Variants in VEGFB observed in about 807,000 individuals in gnomAD.
VEGFB encodes vascular endothelial growth factor B.
Under a neutral mutation model 22.5 loss-of-function variants are expected in VEGFB, and 24 were observed. That is an observed-to-expected ratio of 1.07 (90% CI 0.77 to 1.50). VEGFB has a LOEUF of 1.50. Ranked by LOEUF, VEGFB falls within the 40% of genes most tolerant of loss-of-function variation. VEGFB has a pLI of 0.00. For synonymous variants in VEGFB, 141 were observed against 117.4 expected, an observed-to-expected ratio of 1.20 and a Z score of -1.30; for missense variants, 327 against 287.8, an observed-to-expected ratio of 1.14 and a Z score of -0.99.
In VEGFB at chr11:64,237,189, C is replaced by T. The variant is rs145316240; in HGVS notation, c.377C>T (p.Pro126Leu). 836 of 1,603,002 alleles carry T rather than the reference C, an allele frequency of 5.2e-4. 10 individuals carry two copies. In the South Asian group the frequency reaches 8.8e-3, roughly 17 times the overall value. ...TGTCTGTCTATCTTACTTTTCAGAC[C>T]TAAAAAAAAGGACAGTGCTGTGAAG... is the stretch of plus-strand genomic sequence containing the variant. ...LEEHSQCECR[P>L]KKKDSAVKPD... The change falls in exon 5 of 7, where the codon CCT (proline) becomes CTT (leucine). Residue 126 changes from proline (P) to leucine (L), a missense_variant and splice_region_variant. Coordinates refer to ENST00000309422, the MANE Select transcript of VEGFB (RefSeq NM_003377.5).
chr11:64,236,545 C>T (rs542599507), intron 4 of VEGFB, among the ~76,000 whole-genome samples: 1 of 151,296 alleles, frequency 6.6e-6, no homozygotes, highest in Non-Finnish European at 1.5e-5. Flanking sequence ...AAAAACCTGT[C>T]TCTACTAAAA....
intron 4 of VEGFB, among the ~76,000 whole-genome samples, 189 bp downstream of exon 4, chr11:64,236,516 C>T (rs1343362078): frequency 6.9e-6 from 1 of 144,370 alleles, no homozygotes; most frequent in Admixed American, 7.3e-5. Flanking sequence ...GAGATCGAGA[C>T]CATCCTGGCT....
In VEGFB at chr11:64,236,716, CAAAAAAAAAAAA is replaced by C. The variant is rs773789771; in HGVS notation, c.374+406_374+417del. ...TGGGCGACAGAGCAAGACTCTGCCACAAAAAAAAAAAAAAAAAAAAAAAAAAAAGAGTAGAGC... is the reference window on the plus strand; with the variant it reads ...TGGGCGACAGAGCAAGACTCTGCCACAAAAAAAAAAAAAAAAGAGTAGAGC... On this transcript the variant is annotated intron_variant, in intron 4 of 6. Transcript: ENST00000309422. Among the ~76,000 whole-genome samples the C allele has an allele frequency of 7.0e-3, 523 of 74,472 alleles. 8 individuals are homozygous for C. The highest frequency in any genetic ancestry group is 0.021 in the African/African-American group (408 of 19,306). 48.9% of individuals were successfully genotyped at this position (74,472 alleles called of 152,430 possible). A position where few individuals can be genotyped will look rare whatever the true frequency, so the allele number is the denominator to read the frequency against.
At chr11:64,237,717 T>TCCAGGGTGAGCCTGC (rs2030214952) in intron 6 of VEGFB, 62 bp downstream of exon 6, 2 of 1,418,662 alleles carry the variant, frequency 1.4e-6, no homozygotes, top group African/African-American at 2.9e-5. Flanking sequence ...CTGGAGCAGG[T>TCCAGGGTGAGCCTGC]CCAGGGTGAG....
At position 64,234,870 on chromosome 11, in the gene VEGFB, C is replaced by G; in HGVS notation, c.37C>G (p.Leu13Val). The G allele has an allele frequency of 7.7e-7, 1 of 1,303,254 alleles. No individual in the cohort carries two copies. The highest frequency in any genetic ancestry group is 9.8e-7 in the Non-Finnish European group (1 of 1,022,624). 80.7% of individuals were successfully genotyped at this position (1,303,254 alleles called of 1,614,324 possible). A position where few individuals can be genotyped will look rare whatever the true frequency, so the allele number is the denominator to read the frequency against. The change falls in exon 1 of 7, where the codon CTC (leucine) becomes GTC (valine). Residue 13 changes from leucine to valine, a missense_variant. Physicochemically the swap from Leu to Val is conservative, Grantham distance 32. Coordinates refer to ENST00000309422, the MANE Select transcript of VEGFB (RefSeq NM_003377.5). The surrounding 1 kb of genome is among the most constrained non-coding windows in gnomAD (Gnocchi z 5.3). ...GCTCCGCCGCCTGCTGCTCGCCGCA[C>G]TCCTGCAGCTGGCCCCCGCCCAGGT... The part of the protein sequence containing the change: ...PLLRRLLLAA[L>V]LQLAPAQAPV...
At chr11:64,236,637 A>G (rs2030049288) in intron 4 of VEGFB, among the ~76,000 whole-genome samples, 1 of 149,904 alleles carries the variant, frequency 6.7e-6, no homozygotes, top group Non-Finnish European at 1.5e-5. Flanking sequence ...GAATGGCATG[A>G]ACCTGGGAGG....
At position 64,236,999 on chromosome 11, in the gene VEGFB, C is replaced by G. The variant is rs1206268883; in HGVS notation, c.375-188C>G. 6.8e-6 allele frequency: 3 copies of G among 443,754 alleles called. 1 individual carries two copies. In the East Asian group the frequency reaches 1.4e-4, roughly 21 times the overall value. The allele number at this position is 443,754 out of a possible 1,614,324, so 27.5% of individuals were successfully genotyped here. A position where few individuals can be genotyped will look rare whatever the true frequency, so the allele number is the denominator to read the frequency against. ...TTGGGAGGCTGAGACAAGAGAATAG[C>G]TTGAACCTGGGAGGCGGAGGTTGCA... is the stretch of plus-strand genomic sequence containing the variant. On this transcript the variant is annotated intron_variant, in intron 4 of 6. Transcript: ENST00000309422.
At chr11:64,237,272 GT>G in intron 5 of VEGFB, 50 bp downstream of exon 5, 1 of 1,562,508 alleles carries the variant, frequency 6.4e-7, no homozygotes, top group Non-Finnish European at 8.8e-7. Context: ...GTACAAGTGA[GT>G]CCAGAAGCTG....
chr11:64,236,082 T>A, intron 3 of VEGFB, 73 bp downstream of exon 3: 1 of 1,525,262 alleles, frequency 6.6e-7, no homozygotes, highest in African/African-American at 1.4e-5. Context: ...GGGTGGATGC[T>A]GGCTGGCTCT....
Position 64,237,076 on chromosome 11 carries a change from AC to A in VEGFB, c.375-110del, listed in dbSNP as rs1463824852. On this transcript the variant is annotated intron_variant, in intron 4 of 6. Coordinates refer to ENST00000309422, the MANE Select transcript of VEGFB (RefSeq NM_003377.5). ...CCAGCCTGGGCAAGAAGAGGGAAAC[AC>A]AGTCTCAAAGAGAGAGAGAGAGAGA... is the stretch of plus-strand genomic sequence containing the variant. 4.4e-5 allele frequency: 36 copies of A among 813,690 alleles called. 6 individuals carry two copies. The highest frequency in any genetic ancestry group is 5.0e-5 in the Non-Finnish European group (27 of 538,516). 50.4% of individuals were successfully genotyped at this position (813,690 alleles called of 1,614,324 possible). A position where few individuals can be genotyped will look rare whatever the true frequency, so the allele number is the denominator to read the frequency against.
chr11:64,235,042 C>T (rs1254436308), intron 1 of VEGFB, 149 bp downstream of exon 1: 5 of 612,522 alleles, frequency 8.2e-6, no homozygotes, highest in African/African-American at 1.9e-5. Flanking sequence ...CGCGTGCATC[C>T]CCTGGGAGGT....
intron 1 of VEGFB, 75 bp from the exon 2 acceptor site, chr11:64,235,383 C>A: frequency 7.0e-7 from 1 of 1,436,580 alleles, no homozygotes; most frequent in South Asian, 1.2e-5. Context: ...GATGCAAGGG[C>A]AAAGCCCCAG....
At chr11:64,238,169 C>T (rs930541434) in intron 6 of VEGFB, among the ~76,000 whole-genome samples, 187 bp from the exon 7 acceptor site, 10 of 152,074 alleles carry the variant, frequency 6.6e-5, no homozygotes, top group Admixed American at 4.6e-4. Context: ...TGGGGGCTCC[C>T]GAGGAGTGTC....
intron 4 of VEGFB, among the ~76,000 whole-genome samples, chr11:64,236,784 A>T (rs2030064981): frequency 6.9e-6 from 1 of 145,084 alleles, no homozygotes; most frequent in African/African-American, 2.5e-5. Context: ...GGGGCAACAA[A>T]GTAGGATGCT....
intron 1 of VEGFB, 44 bp from the exon 2 acceptor site, chr11:64,235,414 C>T (rs1180857204): frequency 3.1e-6 from 5 of 1,597,254 alleles, no homozygotes; most frequent in African/African-American, 1.3e-5. Flanking sequence ...AGGGCCACAC[C>T]CTCCTAAAGT....
At position 64,238,446 on chromosome 11, in the gene VEGFB, G is replaced by C; in HGVS notation, c.*113G>C. 3.9e-6 allele frequency: 6 copies of C among 1,532,002 alleles called. No homozygotes were observed. Among genetic ancestry groups the C allele is most frequent in the Non-Finnish European group, 5.2e-6 (6 of 1,143,378 alleles). The allele number at this position is 1,532,002 out of a possible 1,614,324, so 94.9% of individuals were successfully genotyped here. Reference sequence around the variant, plus strand: ...TATATCCCAGTGGGGGAACAAAGAGGAGCCTGGTAAAAAACAGCCAAGCCC... The same window carrying C: ...TATATCCCAGTGGGGGAACAAAGAGCAGCCTGGTAAAAAACAGCCAAGCCC... On this transcript the variant is annotated 3_prime_UTR_variant, in exon 7 of 7. Coordinates refer to ENST00000309422, the MANE Select transcript of VEGFB (RefSeq NM_003377.5).
In VEGFB at chr11:64,235,507, C is replaced by G. The variant is rs759637916; in HGVS notation, c.103+7C>G. The G allele has an allele frequency of 6.2e-7, 1 of 1,613,818 alleles. No homozygotes were observed. The highest frequency in any genetic ancestry group is 2.2e-5 in the East Asian group (1 of 44,884). On this transcript the variant is annotated splice_region_variant and intron_variant, in intron 2 of 6. Transcript: ENST00000309422. Reference sequence around the variant, plus strand: ...CCTGGCCACCAGAGGAAAGGTAATACTTACAAAAACTCGGCACTAGCCAGC... The same window carrying G: ...CCTGGCCACCAGAGGAAAGGTAATAGTTACAAAAACTCGGCACTAGCCAGC...
Position 64,235,904 on chromosome 11 carries a change from C to T in VEGFB, c.195C>T (p.Ala65=). 6.2e-7 allele frequency: 1 copy of T among 1,613,772 alleles called. No individual in the cohort carries two copies. The highest frequency in any genetic ancestry group is 1.7e-5 in the Admixed American group (1 of 60,014). ...CTGTGGAGCTCATGGGCACCGTGGCCAAACAGCTGGTGCCCAGCTGCGTGA... is the reference window on the plus strand; with the variant it reads ...CTGTGGAGCTCATGGGCACCGTGGCTAAACAGCTGGTGCCCAGCTGCGTGA... The part of the protein sequence containing the change: ...PLTVELMGTV[A]KQLVPSCVTV... The change falls in exon 3 of 7, where the codon GCC becomes GCT. Residue 65 remains alanine, a synonymous_variant. Coordinates refer to ENST00000309422, the MANE Select transcript of VEGFB (RefSeq NM_003377.5).
In VEGFB at chr11:64,238,479, C is replaced by T; in HGVS notation, c.*146C>T. 1.4e-6 allele frequency: 2 copies of T among 1,457,522 alleles called. No individual in the cohort carries two copies. Among genetic ancestry groups the T allele is most frequent in the African/African-American group, 1.4e-5 (1 of 71,340 alleles). The allele number at this position is 1,457,522 out of a possible 1,614,324, so 90.3% of individuals were successfully genotyped here. A position where few individuals can be genotyped will look rare whatever the true frequency, so the allele number is the denominator to read the frequency against. On this transcript the variant is annotated 3_prime_UTR_variant, in exon 7 of 7. Coordinates refer to ENST00000309422, the MANE Select transcript of VEGFB (RefSeq NM_003377.5). ...TAAAAAACAGCCAAGCCCCCAAGAC[C>T]TCAGCCCAGGCAGAAGCTGCTCTAG... is the stretch of plus-strand genomic sequence containing the variant.
Sources: allele counts gnomAD v4.1 joint callset (sites outside exome capture counted in the v4.1 genomes callset), GRCh38; gene constraint gnomAD v4.1.1; non-coding constraint Gnocchi (gnomAD v3.1); transcripts MANE v1.5; gene names NCBI Gene and HGNC (gene_info 2026-07-23, HGNC 2026-07-21).